The following PCSK5 variants were observed in gnomAD, a reference collection of about 807,000 sequenced individuals.
PCSK5 encodes prohormone convertase 5.
In PCSK5, 129 loss-of-function variants were observed where a neutral mutation model predicts 233.2. The observed-to-expected ratio is 0.55, with a 90% CI of 0.48 to 0.64. The LOEUF is 0.64. Ranked by LOEUF, PCSK5 falls within the 30% of genes least tolerant of loss-of-function variation. PCSK5 has a pLI of 0.00. For missense variants in PCSK5, 2,076 were observed against 2,430.1 expected, an observed-to-expected ratio of 0.85 and a Z score of 3.06; for synonymous variants, 825 against 879.2, an observed-to-expected ratio of 0.94 and a Z score of 1.09.
intron 14 of PCSK5, 59 bp from the exon 15 acceptor site, chr9:76,179,537 T>C: frequency 8.0e-7 from 1 of 1,248,100 alleles, no homozygotes; most frequent in Non-Finnish European, 1.2e-6. Flanking sequence ...AAATTCAAGG[T>C]AAAGCTGACC....
At chr9:76,137,957 C>T (rs1823048743) in intron 10 of PCSK5, among the ~76,000 whole-genome samples, 1 of 152,020 alleles carries the variant, frequency 6.6e-6, no homozygotes, top group African/African-American at 2.4e-5. Flanking sequence ...CTTTTTAATT[C>T]TCCCTTGTGT....
At chr9:76,203,573 G>T (rs1228923299) in intron 20 of PCSK5, among the ~76,000 whole-genome samples, 2 of 151,766 alleles carry the variant, frequency 1.3e-5, no homozygotes, top group Non-Finnish European at 2.9e-5. Context: ...ACAGACCCAG[G>T]CTCAGAGCCT....
chr9:76,126,918 T>C (rs1490556233), intron 9 of PCSK5, among the ~76,000 whole-genome samples: 1 of 152,156 alleles, frequency 6.6e-6, no homozygotes, highest in Non-Finnish European at 1.5e-5. Flanking sequence ...AAATTACACT[T>C]GTACCCCATA....
At chr9:76,073,216 C>T (rs201886137) in intron 7 of PCSK5, among the ~76,000 whole-genome samples, 3 of 152,096 alleles carry the variant, frequency 2.0e-5, no homozygotes, top group East Asian at 1.9e-4. Flanking sequence ...AAAATAATAA[C>T]GATTTGCCCA....
intron 22 of PCSK5, among the ~76,000 whole-genome samples, chr9:76,238,092 CATGTGGGAAAT>C (rs1334617298): frequency 6.6e-6 from 1 of 152,146 alleles, no homozygotes; most frequent in Non-Finnish European, 1.5e-5. Context: ...GAGGCAGGGA[CATGTGGGAAAT>C]CTGATTCAGA....
chr9:76,354,378 A>G (rs878886833), intron 37 of PCSK5, among the ~76,000 whole-genome samples, 159 bp downstream of exon 37: 2 of 152,182 alleles, frequency 1.3e-5, no homozygotes, highest in Admixed American at 1.3e-4. Context: ...CTTCATGACC[A>G]TTGTCTCACT....
In PCSK5 at chr9:76,181,532, T is replaced by C. The variant is rs771840982; in HGVS notation, c.2138T>C (p.Leu713Pro). Reference sequence around the variant, plus strand: ...ATGTCCTGCAAATATGGATACTTTCTGAATGAAGAAACCAACAGCTGTGTT... The same window carrying C: ...ATGTCCTGCAAATATGGATACTTTCCGAATGAAGAAACCAACAGCTGTGTT... ...QCMSCKYGYF[L>P]NEETNSCVTH... is the part of the protein sequence containing the mutation. Residue 713 changes from leucine (L) to proline (P), a missense_variant, in exon 16 of 38, where the codon CTG (leucine) becomes CCG (proline). Physicochemically the swap from Leu to Pro is moderately conservative, Grantham distance 98. Transcript: ENST00000674117. The C allele has an allele frequency of 1.2e-6, 2 of 1,613,958 alleles. No homozygotes were observed. Among genetic ancestry groups the C allele is most frequent in the Middle Eastern group, 1.6e-4 (1 of 6,082 alleles).
chr9:75,924,896 G>A (rs557156904), intron 1 of PCSK5, among the ~76,000 whole-genome samples: 1 of 152,066 alleles, frequency 6.6e-6, no homozygotes, highest in Non-Finnish European at 1.5e-5. Flanking sequence ...TAACTGTGTG[G>A]CCCCGGGCAG....
At chr9:76,053,986 CACATGCCT>C (rs1829729169) in intron 5 of PCSK5, among the ~76,000 whole-genome samples, 1 of 152,154 alleles carries the variant, frequency 6.6e-6, no homozygotes, top group Non-Finnish European at 1.5e-5. Flanking sequence ...CTCACAGTTC[CACATGCCT>C]GGGGAGGCCT....
At chr9:75,950,715 G>C (rs1040284737) in intron 2 of PCSK5, among the ~76,000 whole-genome samples, 5 of 152,092 alleles carry the variant, frequency 3.3e-5, no homozygotes, top group Non-Finnish European at 5.9e-5. Flanking sequence ...GGAACAACAG[G>C]TACCAGCCAC....
intron 22 of PCSK5, among the ~76,000 whole-genome samples, chr9:76,236,209 TC>T (rs1463623718): frequency 2.0e-5 from 3 of 152,182 alleles, no homozygotes; most frequent in Non-Finnish European, 4.4e-5. Context: ...ATTTTCAGAA[TC>T]CCTGCACCTT....
chr9:75,998,751 C>T (rs1827132408), intron 3 of PCSK5, among the ~76,000 whole-genome samples: 2 of 152,092 alleles, frequency 1.3e-5, no homozygotes, highest in Non-Finnish European at 2.9e-5. Flanking sequence ...TCTCCATTAC[C>T]AACTTCAATA....
chr9:76,225,021 T>C (rs1564119555), intron 20 of PCSK5, among the ~76,000 whole-genome samples: 1 of 152,140 alleles, frequency 6.6e-6, no homozygotes, highest in Admixed American at 6.5e-5. Flanking sequence ...ATCATGGAAA[T>C]GAGGATAGAT....
At chr9:76,020,818 A>G (rs1054039819) in intron 3 of PCSK5, among the ~76,000 whole-genome samples, 2 of 152,154 alleles carry the variant, frequency 1.3e-5, no homozygotes, top group African/African-American at 4.8e-5. Context: ...TGGGTTACCC[A>G]TTTCCTGTGC....
rs143332110 is a variant in PCSK5, at chr9:76,050,059, C to T, written c.633-17896C>T. Among the ~76,000 whole-genome samples, 438 of 152,148 alleles carry T rather than the reference C, an allele frequency of 2.9e-3. 4 individuals carry two copies. The highest frequency in any genetic ancestry group is 0.01 in the African/African-American group (423 of 41,532). On this transcript the variant is annotated intron_variant, in intron 5 of 37. Coordinates refer to ENST00000674117, the MANE Select transcript of PCSK5 (RefSeq NM_001372043.1). ...TGTTGTATCATGTCTTTTTTTCTCA[C>T]TGTTGAATCCTTAGTGAATAATCAC...
rs1360227281 is a variant in PCSK5, at chr9:76,247,343, A to G, written c.3142+6659A>G. Reference sequence around the variant, plus strand: ...AATAGAGTGGAAACAGAGCTCCCATATAAAGGGAGGGGACCCAAAGAGTGT... The same window carrying G: ...AATAGAGTGGAAACAGAGCTCCCATGTAAAGGGAGGGGACCCAAAGAGTGT... On this transcript the variant is annotated intron_variant, in intron 24 of 37. Transcript: ENST00000674117. 1.2e-4 allele frequency among the ~76,000 whole-genome samples: 19 copies of G among 152,222 alleles called. 1 individual carries two copies. The highest frequency in any genetic ancestry group is 1.2e-3 in the Admixed American group (19 of 15,276).
intron 5 of PCSK5, among the ~76,000 whole-genome samples, chr9:76,065,226 T>C (rs1360480436): frequency 2.6e-5 from 4 of 152,246 alleles, no homozygotes. Flanking sequence ...GCCATACTGT[T>C]TTCTGTAGTG....
chr9:76,178,043 A>T (rs1271479555), intron 14 of PCSK5, among the ~76,000 whole-genome samples: 1 of 151,952 alleles, frequency 6.6e-6, no homozygotes, highest in Admixed American at 6.6e-5. Context: ...ACCTTCATTT[A>T]GAAGTCAGCC....
chr9:76,177,612 G>T (rs1823672620), intron 14 of PCSK5, among the ~76,000 whole-genome samples: 2 of 152,142 alleles, frequency 1.3e-5, no homozygotes, highest in South Asian at 2.1e-4. Context: ...AAACTATTTT[G>T]TCTTCTCGGA....
Sources: allele counts gnomAD v4.1 joint callset (sites outside exome capture counted in the v4.1 genomes callset), GRCh38; gene constraint gnomAD v4.1.1; transcripts MANE v1.5; gene names NCBI Gene and HGNC (gene_info 2026-07-23, HGNC 2026-07-21).